Variants in TIAM1 observed in about 807,000 individuals in gnomAD.
The protein encoded by TIAM1 is TIAM Rac1 associated GEF 1, also known as rho guanine nucleotide exchange factor TIAM1.
In TIAM1, 65 loss-of-function variants were observed where a neutral mutation model predicts 163.5. The observed-to-expected ratio is 0.40, with a 90% CI of 0.33 to 0.49. TIAM1 has a LOEUF of 0.49. Ranked by LOEUF, TIAM1 falls within the 20% of genes least tolerant of loss-of-function variation. The probability of loss-of-function intolerance (pLI) is 0.77; values close to 1 mark genes in which losing one functional copy is unlikely to be tolerated. For missense variants in TIAM1, 1,789 were observed against 2,044.7 expected (o/e 0.87, Z 2.41); for synonymous variants, 833 against 810.1 (o/e 1.03, Z -0.48).
chr21:31,281,443 C>T (rs1386474276), intron 2 of TIAM1, among the ~76,000 whole-genome samples: 1 of 152,144 alleles, frequency 6.6e-6, no homozygotes, highest in Non-Finnish European at 1.5e-5. Flanking sequence ...ACTGTGTTTA[C>T]TACGATTTAG....
At chr21:31,511,218 G>A (rs2047200457) in intron 1 of TIAM1, among the ~76,000 whole-genome samples, 1 of 152,162 alleles carries the variant, frequency 6.6e-6, no homozygotes, top group Non-Finnish European at 1.5e-5. Flanking sequence ...CTTTGTTAGG[G>A]CAACCCTAGG....
At chr21:31,288,319 G>A (rs933654489) in intron 2 of TIAM1, among the ~76,000 whole-genome samples, 4 of 152,102 alleles carry the variant, frequency 2.6e-5, no homozygotes, top group Admixed American at 6.6e-5. Context: ...ACCTTAGACT[G>A]AGTAATTTAT....
In TIAM1 at chr21:31,141,368, G is replaced by T; in HGVS notation, c.3612C>A (p.Phe1204Leu). Reference protein sequence around the residue: ...LKYPLLLRELFALTDAESEEH... With the variant: ...LKYPLLLRELLALTDAESEEH... ...CCTCGCTCTCCGCATCGGTCAGGGC[G>T]AACAGCTCCCTGAGCAGAAGTGGGT... is the stretch of plus-strand genomic sequence containing the variant. The change falls in exon 21 of 28, where the codon TTC (phenylalanine) becomes TTA (leucine). Residue 1204 changes from phenylalanine (F) to leucine (L), a missense_variant. Coordinates refer to ENST00000541036, the MANE Select transcript of TIAM1 (RefSeq NM_001353694.2). This position sits in a 1 kb window ranked among gnomAD's most constrained non-coding sequence, Gnocchi z 4.7. 1 of 1,614,234 alleles carries T rather than the reference G, an allele frequency of 6.2e-7. No homozygotes were observed. Among genetic ancestry groups the T allele is most frequent in the South Asian group, 1.1e-5 (1 of 91,082 alleles).
chr21:31,206,201 C>T (rs1014379410), intron 11 of TIAM1, among the ~76,000 whole-genome samples: 16 of 152,260 alleles, frequency 1.1e-4, no homozygotes, highest in Admixed American at 7.9e-4. Context: ...ACCAGTGTGT[C>T]TTACTATTTT....
At chr21:31,421,085 C>A (rs1380360617) in intron 2 of TIAM1, among the ~76,000 whole-genome samples, 2 of 150,364 alleles carry the variant, frequency 1.3e-5, no homozygotes, top group Non-Finnish European at 3.0e-5. Context: ...GAGCCGAGAT[C>A]ATGCCACTAC....
At chr21:31,350,023 A>G (rs1386071015) in intron 2 of TIAM1, among the ~76,000 whole-genome samples, 1 of 152,228 alleles carries the variant, frequency 6.6e-6, no homozygotes, top group Non-Finnish European at 1.5e-5. Flanking sequence ...CGATCTTAGC[A>G]TTTATAATGT....
intron 6 of TIAM1, among the ~76,000 whole-genome samples, chr21:31,226,160 TTC>T (rs1003211853): frequency 1.3e-4 from 20 of 152,188 alleles, no homozygotes; most frequent in African/African-American, 4.3e-4. Flanking sequence ...CCTCCTCCCT[TTC>T]AAGGGCTGTC....
intron 4 of TIAM1, among the ~76,000 whole-genome samples, chr21:31,255,293 T>A (rs779667779): frequency 6.6e-6 from 1 of 152,188 alleles, no homozygotes; most frequent in Non-Finnish European, 1.5e-5. Flanking sequence ...ATGCCCCCAC[T>A]GATATGTGAC....
At chr21:31,377,003 C>T (rs1376813606) in intron 2 of TIAM1, among the ~76,000 whole-genome samples, 4 of 145,860 alleles carry the variant, frequency 2.7e-5, no homozygotes, top group Admixed American at 1.4e-4. Context: ...GGATAACAGG[C>T]GGACGCCACC....
intron 6 of TIAM1, 30 bp downstream of exon 6, chr21:31,245,458 A>C: frequency 7.3e-7 from 1 of 1,376,740 alleles, no homozygotes; most frequent in Non-Finnish European, 9.5e-7. Flanking sequence ...AGAGGTTTGA[A>C]ATGCCCTGCA....
intron 2 of TIAM1, among the ~76,000 whole-genome samples, chr21:31,336,646 A>G (rs1171708978): frequency 6.6e-6 from 1 of 152,108 alleles, no homozygotes; most frequent in African/African-American, 2.4e-5. Context: ...GGCACAGGGC[A>G]CAGTCACAGG....
chr21:31,391,738 A>G (rs536864067), intron 2 of TIAM1, among the ~76,000 whole-genome samples: 1 of 152,362 alleles, frequency 6.6e-6, no homozygotes, highest in East Asian at 1.9e-4. Flanking sequence ...CAAAGGTTAT[A>G]TGTGCCTCCA....
chr21:31,150,786 A>G (rs2083336841), intron 19 of TIAM1, among the ~76,000 whole-genome samples: 1 of 152,230 alleles, frequency 6.6e-6, no homozygotes, highest in Non-Finnish European at 1.5e-5. Flanking sequence ...TGTCAAGAAA[A>G]TGAAAAGATG....
intron 5 of TIAM1, among the ~76,000 whole-genome samples, chr21:31,247,299 A>G (rs1051003558): frequency 6.6e-6 from 1 of 152,140 alleles, no homozygotes; most frequent in African/African-American, 2.4e-5. Context: ...CAACAGAGCA[A>G]GACCCTGTCA....
chr21:31,189,044 C>CTTTTTTTTTTTTTTTTTTT (rs58786753), intron 13 of TIAM1, among the ~76,000 whole-genome samples: 2 of 70,070 alleles, frequency 2.9e-5, no homozygotes, highest in African/African-American at 1.1e-4. Flanking sequence ...TCCATTCCCT[C>CTTTTTTTTTTTTTTTTTTT]TTTTTTTTTT....
At chr21:31,130,374 C>T in intron 24 of TIAM1, 59 bp from the exon 25 acceptor site, 4 of 1,376,800 alleles carry the variant, frequency 2.9e-6, no homozygotes, top group Non-Finnish European at 4.1e-6. Flanking sequence ...GGACCAGTTC[C>T]CTGCATTTTC....
rs1295844473 is a variant in TIAM1, at chr21:31,216,369, G to A, written c.2142+1184C>T. 2.6e-5 allele frequency among the ~76,000 whole-genome samples: 4 copies of A among 152,060 alleles called. No individual in the cohort carries two copies. The South Asian group carries it at 6.2e-4, about 24-fold the overall frequency. ...CCTCTCACTTTTCACAAGGGCATGC[G>A]GTGAATAGGTCAAACTAGCAGTCTT... On this transcript the variant is annotated intron_variant, in intron 9 of 27. Transcript: ENST00000541036.
intron 2 of TIAM1, among the ~76,000 whole-genome samples, chr21:31,294,831 G>A (rs1325356214): frequency 4.6e-5 from 7 of 152,152 alleles, no homozygotes; most frequent in Non-Finnish European, 1.0e-4. Flanking sequence ...GCACAAGCAC[G>A]GGGAAGGGGG....
chr21:31,175,286 G>A (rs915269199), intron 15 of TIAM1, among the ~76,000 whole-genome samples: 2 of 152,108 alleles, frequency 1.3e-5, no homozygotes, highest in African/African-American at 4.8e-5. Context: ...TACTCACTGA[G>A]GTAAACCAAG....
Sources: gnomAD v4.1 joint callset for allele counts (sites outside exome capture counted in the v4.1 genomes callset) on GRCh38, gnomAD v4.1.1 for gene constraint, Gnocchi (gnomAD v3.1) non-coding constraint, MANE v1.5 for transcripts, NCBI Gene and HGNC (gene_info 2026-07-23, HGNC 2026-07-21) for gene names.